ZDHHC5: variants seen among roughly 807,000 people sequenced by gnomAD.
ZDHHC5 encodes the protein palmitoyltransferase ZDHHC5.
A neutral mutation model predicts 70.0 loss-of-function variants in ZDHHC5; 22 were observed. The ratio of observed to expected loss-of-function variants is 0.31; its 90% CI spans 0.22 to 0.45. The LOEUF (loss-of-function observed/expected upper bound fraction) is 0.45, where lower values mean the gene tolerates loss of function less well. Ranked by LOEUF, ZDHHC5 falls within the 20% of genes least tolerant of loss-of-function variation. The probability of loss-of-function intolerance (pLI) is 1.00; values close to 1 mark genes in which losing one functional copy is unlikely to be tolerated. For synonymous variants in ZDHHC5, 313 were observed against 347.8 expected (o/e 0.90, Z 1.11); for missense variants, 746 against 926.9 (o/e 0.80, Z 2.53).
At chr11:57,679,114 A>G (rs1456318598) in intron 2 of ZDHHC5, among the ~76,000 whole-genome samples, 1 of 152,082 alleles carries the variant, frequency 6.6e-6, no homozygotes, top group African/African-American at 2.4e-5. Context: ...AGGAGTGTGG[A>G]TATTGGAATC....
In ZDHHC5 at chr11:57,672,964, T is replaced by A. The variant is rs146858161; in HGVS notation, c.-127T>A. 865 of 802,106 alleles carry A rather than the reference T, an allele frequency of 1.1e-3. 6 individuals are homozygous for A. In the African/African-American group the frequency reaches 0.014, roughly 13 times the overall value. The allele number at this position is 802,106 out of a possible 1,614,324, so 49.7% of individuals were successfully genotyped here. ...TTTGGGAGGGGGAAGGGTGATAAAG[T>A]TTTCTGTTTCCCTGGTTTTCTTTTG... On this transcript the variant is annotated 5_prime_UTR_variant, in exon 2 of 12. Coordinates refer to ENST00000287169, the MANE Select transcript of ZDHHC5 (RefSeq NM_015457.3).
Position 57,681,954 on chromosome 11 carries a change from G to T in ZDHHC5, c.105-468G>T, listed in dbSNP as rs1946154501. 2.6e-5 allele frequency among the ~76,000 whole-genome samples: 4 copies of T among 152,354 alleles called. No homozygotes were observed. The South Asian group carries it at 8.3e-4, about 32-fold the overall frequency. ...TGTGGTTCAGTCCCCTGGCAAGGGG[G>T]AGGCGGGGGCTAGAAAGGTAGGTGG... On this transcript the variant is annotated intron_variant, in intron 2 of 11. Coordinates refer to ENST00000287169, the MANE Select transcript of ZDHHC5 (RefSeq NM_015457.3).
chr11:57,678,274 G>C (rs1225727302), intron 2 of ZDHHC5, among the ~76,000 whole-genome samples: 2 of 152,126 alleles, frequency 1.3e-5, no homozygotes, highest in Non-Finnish European at 2.9e-5. Context: ...TTTGTCTTCT[G>C]TCCACTGAAT....
intron 10 of ZDHHC5, among the ~76,000 whole-genome samples, chr11:57,698,118 A>AACACACACACACACACACACACACAC (rs113494839): frequency 1.9e-4 from 21 of 110,382 alleles, no homozygotes; most frequent in African/African-American, 5.8e-4. Flanking sequence ...CTGGGCTTAA[A>AACACACACACACACACACACACACAC]ACACACACAC....
chr11:57,683,545 T>C (rs960227211), intron 3 of ZDHHC5, among the ~76,000 whole-genome samples: 3 of 152,188 alleles, frequency 2.0e-5, no homozygotes, highest in Non-Finnish European at 4.4e-5. Flanking sequence ...GATACAAGAA[T>C]GTCAAACGGG....
chr11:57,677,737 C>G (rs1946090406), intron 2 of ZDHHC5, among the ~76,000 whole-genome samples: 1 of 152,196 alleles, frequency 6.6e-6, no homozygotes, highest in African/African-American at 2.4e-5. Flanking sequence ...GTTGGCCGAC[C>G]TCCATGGAGT....
chr11:57,693,710 G>A, intron 7 of ZDHHC5, 73 bp from the exon 8 acceptor site: 2 of 1,460,900 alleles, frequency 1.4e-6, no homozygotes, highest in South Asian at 1.4e-5. Context: ...TACAGAAACA[G>A]TAGATACTTT....
At chr11:57,683,307 C>T (rs944323449) in intron 3 of ZDHHC5, among the ~76,000 whole-genome samples, 14 of 152,172 alleles carry the variant, frequency 9.2e-5, no homozygotes, top group East Asian at 1.9e-4. Context: ...AAAAATAATT[C>T]GTGTAAGAAT....
chr11:57,698,482 G>T, intron 10 of ZDHHC5, 77 bp from the exon 11 acceptor site: 1 of 1,513,028 alleles, frequency 6.6e-7, no homozygotes, highest in South Asian at 1.3e-5. Flanking sequence ...TTCTCTTTTT[G>T]ACCAACTCCT....
At chr11:57,698,323 C>T (rs980658358) in intron 10 of ZDHHC5, among the ~76,000 whole-genome samples, 1 of 152,180 alleles carries the variant, frequency 6.6e-6, no homozygotes, top group Admixed American at 6.5e-5. Context: ...GTTTATAACC[C>T]AGTTCTGCCC....
Position 57,673,260 on chromosome 11 carries a change from C to A in ZDHHC5, c.104+66C>A. 2.0e-6 allele frequency: 3 copies of A among 1,531,280 alleles called. 1 individual carries two copies. In the South Asian group the frequency reaches 3.4e-5, roughly 17 times the overall value. The allele number at this position is 1,531,280 out of a possible 1,614,324, so 94.9% of individuals were successfully genotyped here. On this transcript the variant is annotated intron_variant, in intron 2 of 11. Transcript: ENST00000287169. ...CTCCATGGGAAGTGAGGAGATAACG[C>A]TTTCTCTTGAGTTTTGCAAAGCCAA...
chr11:57,685,872 A>G (rs1364284931), intron 3 of ZDHHC5, among the ~76,000 whole-genome samples: 3 of 151,052 alleles, frequency 2.0e-5, no homozygotes, highest in Non-Finnish European at 4.4e-5. Flanking sequence ...TACTAAAAAT[A>G]CAAAATTAGC....
intron 2 of ZDHHC5, among the ~76,000 whole-genome samples, chr11:57,675,713 G>A (rs970489715): frequency 1.1e-4 from 16 of 152,144 alleles, no homozygotes; most frequent in African/African-American, 2.9e-4. Flanking sequence ...CACCTAGCTC[G>A]GGTAATTCTG....
intron 2 of ZDHHC5, among the ~76,000 whole-genome samples, chr11:57,675,070 T>C (rs1946054202): frequency 6.6e-6 from 1 of 152,244 alleles, no homozygotes; most frequent in African/African-American, 2.4e-5. Flanking sequence ...TTTTTGCTAA[T>C]ATGGCCAGGA....
intron 8 of ZDHHC5, among the ~76,000 whole-genome samples, chr11:57,694,960 T>TA (rs578033504): frequency 7.2e-5 from 11 of 151,886 alleles, no homozygotes; most frequent in Admixed American, 7.2e-4. Flanking sequence ...CAGACTAAAA[T>TA]AAAAAATAGA....
chr11:57,697,356 G>A (rs890076356), intron 10 of ZDHHC5, among the ~76,000 whole-genome samples: 1 of 152,092 alleles, frequency 6.6e-6, no homozygotes, highest in Non-Finnish European at 1.5e-5. Flanking sequence ...CCAGCTACTC[G>A]GGAGGCTGAG....
chr11:57,687,324 A>G (rs1946219840), intron 3 of ZDHHC5, among the ~76,000 whole-genome samples: 1 of 151,440 alleles, frequency 6.6e-6, no homozygotes, highest in Non-Finnish European at 1.5e-5. Flanking sequence ...TAATCTTAAT[A>G]CTTTGGGAAG....
At chr11:57,693,400 C>T (rs560800938) in intron 7 of ZDHHC5, among the ~76,000 whole-genome samples, 8 of 152,296 alleles carry the variant, frequency 5.3e-5, no homozygotes, top group African/African-American at 7.2e-5. Context: ...CACTGCTTAC[C>T]TCCTGCTATG....
At chr11:57,687,756 G>GGT (rs1555007507) in intron 3 of ZDHHC5, among the ~76,000 whole-genome samples, 1 of 75,274 alleles carries the variant, frequency 1.3e-5, no homozygotes, top group Non-Finnish European at 2.4e-5. Flanking sequence ...TTTTGGGAAA[G>GGT]TTTTTTTTTT....
Sources: allele counts gnomAD v4.1 joint callset (sites outside exome capture counted in the v4.1 genomes callset), GRCh38; gene constraint gnomAD v4.1.1; transcripts MANE v1.5; gene names NCBI Gene and HGNC (gene_info 2026-07-23, HGNC 2026-07-21).